Variants in TRIOBP observed in about 807,000 individuals in gnomAD.
TRIOBP encodes TRIO and F-actin-binding protein.
Under a neutral mutation model 238.8 loss-of-function variants are expected in TRIOBP, and 169 were observed. That is an observed-to-expected ratio of 0.71 (90% CI 0.62 to 0.80). The LOEUF is 0.80. TRIOBP is among the 30% of genes least tolerant of loss of function. The probability of loss-of-function intolerance (pLI) is 0.00; values close to 1 mark genes in which losing one functional copy is unlikely to be tolerated. For missense variants in TRIOBP, 2,838 were observed against 3,122.6 expected (o/e 0.91, Z 2.17); for synonymous variants, 1,150 against 1,274.4 (o/e 0.90, Z 2.08).
chr22:37,711,055 G>A (rs1923211743), intron 4 of TRIOBP, among the ~76,000 whole-genome samples: 1 of 152,218 alleles, frequency 6.6e-6, no homozygotes, highest in Non-Finnish European at 1.5e-5. Flanking sequence ...CCTCAGGCCT[G>A]AGTGGCAGTC....
At position 37,769,078 on chromosome 22, in the gene TRIOBP, A is replaced by T. The variant is rs971131590; in HGVS notation, c.6626A>T (p.Tyr2209Phe). 1 of 1,613,562 alleles carries T rather than the reference A, an allele frequency of 6.2e-7. No homozygotes were observed. The highest frequency in any genetic ancestry group is 8.5e-7 in the Non-Finnish European group (1 of 1,180,030). Residue 2209 changes from tyrosine (Y) to phenylalanine (F), a missense_variant, in exon 20 of 24, where the codon TAC becomes TTC. By Grantham distance (22) the Tyr-to-Phe change is conservative (BLOSUM62 3). Transcript: ENST00000644935. ...GAGCTGCAGGTGCTATCGGAGCAGTACTCGCAGAAGTGCCTGGAGATTGGG... is the reference window on the plus strand; with the variant it reads ...GAGCTGCAGGTGCTATCGGAGCAGTTCTCGCAGAAGTGCCTGGAGATTGGG... The part of the protein sequence containing the change: ...KRELQVLSEQ[Y>F]SQKCLEIGAL...
At position 37,725,597 on chromosome 22, in the gene TRIOBP, G is replaced by A; in HGVS notation, c.3041G>A (p.Cys1014Tyr). The change falls in exon 7 of 24, where the codon TGT becomes TAT. Residue 1014 changes from cysteine (C) to tyrosine (Y), a missense_variant. Cys to Tyr is a radical substitution (Grantham distance 194). This residue lies in a region of TRIOBP where 2,096 missense variants were observed against 2,137.4 expected (regional missense o/e 0.98). Coordinates refer to ENST00000644935, the MANE Select transcript of TRIOBP (RefSeq NM_001039141.3). ...LTSPEPSQPP[C>Y]AVCIGHRDAP... Reference sequence around the variant, plus strand: ...TCTCCTGAGCCCTCCCAGCCTCCATGTGCTGTGTGCATTGGGCACCGGGAT... The same window carrying A: ...TCTCCTGAGCCCTCCCAGCCTCCATATGCTGTGTGCATTGGGCACCGGGAT... 6.2e-7 allele frequency: 1 copy of A among 1,613,878 alleles called. No homozygotes were observed. The highest frequency in any genetic ancestry group is 8.5e-7 in the Non-Finnish European group (1 of 1,179,982).
At chr22:37,751,433 C>A (rs1053009541) in intron 11 of TRIOBP, 4 of 407,234 alleles carry the variant, frequency 9.8e-6, no homozygotes, top group East Asian at 5.4e-5. Context: ...CTCAGGGGGT[C>A]TCTATGCAGG....
chr22:37,718,252 C>CAGCT (rs989007501), intron 6 of TRIOBP, among the ~76,000 whole-genome samples: 6 of 152,228 alleles, frequency 3.9e-5, no homozygotes, highest in Admixed American at 1.3e-4. Flanking sequence ...CTGAGGGAGC[C>CAGCT]AGCTCCGGCC....
intron 2 of TRIOBP, among the ~76,000 whole-genome samples, chr22:37,699,936 TGGC>T (rs1922559233): frequency 6.6e-6 from 1 of 152,074 alleles, no homozygotes; most frequent in African/African-American, 2.4e-5. Flanking sequence ...TGGAGTGAAG[TGGC>T]GTGCTCTCCG....
chr22:37,712,821 G>T (rs944876961), intron 4 of TRIOBP, among the ~76,000 whole-genome samples: 13 of 151,766 alleles, frequency 8.6e-5, no homozygotes, highest in Non-Finnish European at 1.8e-4. Flanking sequence ...GCCAGGCGTG[G>T]TGGCGGGCGC....
chr22:37,752,488 C>T (rs750503539), intron 12 of TRIOBP, among the ~76,000 whole-genome samples: 5 of 152,234 alleles, frequency 3.3e-5, no homozygotes, highest in Admixed American at 1.3e-4. Context: ...AGGCTGGCTC[C>T]CTGCCCACAC....
At chr22:37,732,860 T>C (rs1300790908) in intron 7 of TRIOBP, among the ~76,000 whole-genome samples, 1 of 152,262 alleles carries the variant, frequency 6.6e-6, no homozygotes, top group African/African-American at 2.4e-5. Context: ...TTTGTCATAA[T>C]GATTATGTGT....
chr22:37,769,430 TG>T, intron 21 of TRIOBP, 55 bp downstream of exon 21: 2 of 1,486,112 alleles, frequency 1.3e-6, no homozygotes. Flanking sequence ...CCCGGGGCTA[TG>T]GGGCACCCCC....
intron 6 of TRIOBP, among the ~76,000 whole-genome samples, chr22:37,722,665 T>G (rs1923896954): frequency 6.6e-6 from 1 of 152,070 alleles, no homozygotes; most frequent in African/African-American, 2.4e-5. Context: ...AGGCGGAGGT[T>G]GCCATGAGCC....
At position 37,757,912 on chromosome 22, in the gene TRIOBP, G is replaced by A. The variant is rs1445394104; in HGVS notation, c.5987G>A (p.Arg1996Lys). 5.1e-6 allele frequency: 8 copies of A among 1,553,616 alleles called. No individual in the cohort carries two copies. The highest frequency in any genetic ancestry group is 7.0e-6 in the Non-Finnish European group (8 of 1,148,994). ...RRKWFEATDSRTPEVPAGEGP... is the reference protein window; with the variant it reads ...RRKWFEATDSKTPEVPAGEGP... Reference sequence around the variant, plus strand: ...AAGTGGTTTGAGGCCACAGACAGCAGGACCCCAGAGGTGCCTGCTGGTGAG... The same window carrying A: ...AAGTGGTTTGAGGCCACAGACAGCAAGACCCCAGAGGTGCCTGCTGGTGAG... The change falls in exon 16 of 24, where the codon AGG becomes AAG. Residue 1996 changes from arginine to lysine, a missense_variant. Coordinates refer to ENST00000644935, the MANE Select transcript of TRIOBP (RefSeq NM_001039141.3).
intron 11 of TRIOBP, among the ~76,000 whole-genome samples, chr22:37,747,421 T>G (rs1925341770): frequency 6.6e-6 from 1 of 152,090 alleles, no homozygotes; most frequent in African/African-American, 2.4e-5. Flanking sequence ...AGTAGGCCTC[T>G]TTCAGGGGAG....
chr22:37,735,001 C>G lies in TRIOBP; in HGVS notation c.4665C>G (p.Pro1555=). Residue 1555 remains proline, a synonymous_variant, in exon 9 of 24, where the codon CCC becomes CCG. Coordinates refer to ENST00000644935, the MANE Select transcript of TRIOBP (RefSeq NM_001039141.3). ...CPYPRGSERR[P]ELDWRDLLGL... is the part of the protein sequence containing the mutation. ...ACCCGCGTGGCTCTGAGAGGCGACC[C>G]GAGCTTGACTGGAGGGATCTGCTTG... The G allele has an allele frequency of 6.2e-7, 1 of 1,613,176 alleles. No homozygotes were observed. Among genetic ancestry groups the G allele is most frequent in the Non-Finnish European group, 8.5e-7 (1 of 1,179,762 alleles).
chr22:37,767,998 G>A (rs1468914724), intron 18 of TRIOBP, 76 bp from the exon 19 acceptor site: 14 of 1,094,922 alleles, frequency 1.3e-5, no homozygotes, highest in African/African-American at 3.1e-5. Context: ...AGTACATGTG[G>A]CGTCTCAGAG....
intron 22 of TRIOBP, 79 bp downstream of exon 22, chr22:37,771,815 G>T: frequency 7.6e-7 from 1 of 1,307,698 alleles, no homozygotes; most frequent in Non-Finnish European, 1.1e-6. Flanking sequence ...CCTGCTCTGT[G>T]CCAAGCCCTC....
intron 7 of TRIOBP, among the ~76,000 whole-genome samples, chr22:37,731,437 TGGCCTCC>T (rs1175677973): frequency 6.9e-6 from 1 of 145,668 alleles, no homozygotes; most frequent in African/African-American, 2.5e-5. Context: ...ACACTGTACC[TGGCCTCC>T]CAACCCCATA....
intron 11 of TRIOBP, chr22:37,751,233 A>G: frequency 2.8e-6 from 1 of 352,840 alleles, no homozygotes; most frequent in African/African-American, 2.2e-5. Context: ...CTTCCCAAAG[A>G]GATCTAGGCG....
At chr22:37,713,728 G>C (rs1221515131) in intron 5 of TRIOBP, among the ~76,000 whole-genome samples, 2 of 152,168 alleles carry the variant, frequency 1.3e-5, no homozygotes, top group Non-Finnish European at 2.9e-5. Context: ...TGTTGGGTTT[G>C]GTGTCTAGCG....
intron 23 of TRIOBP, among the ~76,000 whole-genome samples, chr22:37,773,539 T>C (rs1216505674): frequency 2.0e-5 from 3 of 152,158 alleles, no homozygotes; most frequent in East Asian, 1.9e-4. Flanking sequence ...TTATTTTTGC[T>C]TTTTCAACGC....
Sources: allele counts gnomAD v4.1 joint callset (sites outside exome capture counted in the v4.1 genomes callset), GRCh38; gene constraint gnomAD v4.1.1; regional missense constraint gnomAD v4.1.1; transcripts MANE v1.5; gene names NCBI Gene and HGNC (gene_info 2026-07-23, HGNC 2026-07-21).